The following CHD6 variants were observed in gnomAD, a reference collection of about 807,000 sequenced individuals.
CHD6 encodes chromodomain helicase DNA binding protein 6, also known as ATP-dependent chromatin remodeler CHD6.
Under a neutral mutation model 276.9 loss-of-function variants are expected in CHD6, and 50 were observed. That is an observed-to-expected ratio of 0.18 (90% confidence interval 0.14 to 0.23). The LOEUF (loss-of-function observed/expected upper bound fraction) is 0.23. Among genes scored for constraint, CHD6 ranks in the 10% least tolerant of loss-of-function variants. The pLI is 1.00. For missense variants in CHD6, 2,564 were observed against 3,365.8 expected (o/e 0.76, Z 5.89); for synonymous variants, 1,173 against 1,229.3 (o/e 0.95, Z 0.96).
chr20:41,487,411 C>T (rs758392347), intron 14 of CHD6, among the ~76,000 whole-genome samples: 3 of 152,046 alleles, frequency 2.0e-5, no homozygotes, highest in Non-Finnish European at 4.4e-5. Flanking sequence ...CAAGGAGGCC[C>T]GATACACCAA....
At chr20:41,571,807 T>G (rs1408569403) in intron 1 of CHD6, among the ~76,000 whole-genome samples, 2 of 152,162 alleles carry the variant, frequency 1.3e-5, no homozygotes, top group African/African-American at 4.8e-5. Context: ...ATTTTAAATT[T>G]TAATGAAATA....
intron 3 of CHD6, among the ~76,000 whole-genome samples, chr20:41,521,950 A>G (rs531494382): frequency 1.3e-5 from 2 of 152,372 alleles, no homozygotes; most frequent in South Asian, 2.1e-4. Flanking sequence ...AGGAATCCAT[A>G]CCAATGAGAC....
chr20:41,526,678 G>A (rs2044545986), intron 3 of CHD6, among the ~76,000 whole-genome samples: 1 of 152,304 alleles, frequency 6.6e-6, no homozygotes, highest in South Asian at 2.1e-4. Context: ...CCAAACAAAT[G>A]GGGATGAAAA....
chr20:41,405,734 T>C (rs1335857476), intron 36 of CHD6, among the ~76,000 whole-genome samples: 1 of 152,098 alleles, frequency 6.6e-6, no homozygotes, highest in Non-Finnish European at 1.5e-5. Flanking sequence ...CACTGCCCAG[T>C]GGTAATTCCA....
intron 17 of CHD6, chr20:41,461,582 C>T (rs968109853): frequency 4.2e-5 from 7 of 166,380 alleles, no homozygotes; most frequent in East Asian, 1.7e-4. Context: ...TTTCGCCTCC[C>T]GCCATGATTC....
intron 17 of CHD6, among the ~76,000 whole-genome samples, chr20:41,468,573 C>T (rs2042982469): frequency 6.6e-6 from 1 of 152,234 alleles, no homozygotes; most frequent in African/African-American, 2.4e-5. Flanking sequence ...TAACACCTGG[C>T]ATGTCCCAGT....
At chr20:41,566,155 A>C (rs2045353309) in intron 1 of CHD6, among the ~76,000 whole-genome samples, 1 of 152,100 alleles carries the variant, frequency 6.6e-6, no homozygotes, top group South Asian at 2.1e-4. Context: ...CACCCCACAT[A>C]ATTTTCTAAA....
Position 41,420,968 on chromosome 20 carries a change from C to T in CHD6, c.5667G>A (p.Glu1889=). 6.2e-7 allele frequency: 1 copy of T among 1,614,218 alleles called. No homozygotes were observed. Among genetic ancestry groups the T allele is most frequent in the South Asian group, 1.1e-5 (1 of 91,084 alleles). The change falls in exon 31 of 37, where the codon GAG becomes GAA. Residue 1889 remains glutamate, a synonymous_variant. Coordinates refer to ENST00000373233, the MANE Select transcript of CHD6 (RefSeq NM_032221.5). ...TAGTGGGCTCCGTGAGATGCAATAC[C>T]TCTGGCCTTTCCCCCATGCCTACTG... ...AMAVGMGERP[E]VLHLTEPTTN... is the part of the protein sequence containing the mutation.
rs1361675899 is a variant in CHD6, at chr20:41,500,839, AAT to A, written c.853-1484_853-1483del. 2.6e-5 allele frequency among the ~76,000 whole-genome samples: 4 copies of A among 152,270 alleles called. No homozygotes were observed. In the East Asian group the frequency reaches 7.7e-4, roughly 29 times the overall value. On this transcript the variant is annotated intron_variant, in intron 5 of 36. Transcript: ENST00000373233. ...CAAGCAAGAGGAAAAGAAAGAAGGAAATACAGTGAGGAAATAAAGGGTCAAAC... is the reference window on the plus strand; with the variant it reads ...CAAGCAAGAGGAAAAGAAAGAAGGAAACAGTGAGGAAATAAAGGGTCAAAC...
intron 2 of CHD6, among the ~76,000 whole-genome samples, chr20:41,548,819 A>G (rs1390109657): frequency 1.3e-5 from 2 of 152,204 alleles, no homozygotes; most frequent in Non-Finnish European, 2.9e-5. Context: ...AACCCCATCA[A>G]AAAGTAGGCA....
At chr20:41,568,843 A>G (rs569433886) in intron 1 of CHD6, among the ~76,000 whole-genome samples, 98 of 152,298 alleles carry the variant, frequency 6.4e-4, no homozygotes, top group Non-Finnish European at 1.2e-3. Context: ...TGGCTTCCAC[A>G]GTCATTTCTG....
intron 2 of CHD6, among the ~76,000 whole-genome samples, chr20:41,545,391 C>A (rs900642355): frequency 1.3e-5 from 2 of 152,132 alleles, no homozygotes; most frequent in Non-Finnish European, 2.9e-5. Flanking sequence ...GCTCAGACTT[C>A]TTTTCCTTTT....
rs939736339 is a variant in CHD6 at position 41,553,924 on chromosome 20, C to T, written c.-23-2564G>A. The stretch of plus-strand genomic sequence containing the variant: ...CAGCACTTTGGGAGGCCAAGGCAGG[C>T]GGATCACTTGAACCCAGGAGTTTGT... On this transcript the variant is annotated intron_variant, in intron 1 of 36. Coordinates refer to ENST00000373233, the MANE Select transcript of CHD6 (RefSeq NM_032221.5). 2.6e-5 allele frequency among the ~76,000 whole-genome samples: 4 copies of T among 152,278 alleles called. No individual in the cohort carries two copies. In the Middle Eastern group the frequency reaches 0.01, roughly 388 times the overall value.
intron 2 of CHD6, among the ~76,000 whole-genome samples, chr20:41,539,805 C>A (rs774953711): frequency 5.3e-5 from 8 of 152,088 alleles, no homozygotes; most frequent in Non-Finnish European, 1.0e-4. Flanking sequence ...AACCTGTTTG[C>A]CAATCTTTAG....
intron 3 of CHD6, among the ~76,000 whole-genome samples, chr20:41,531,646 T>C (rs2146062967): frequency 6.6e-6 from 1 of 152,228 alleles, no homozygotes; most frequent in East Asian, 1.9e-4. Flanking sequence ...ATTCCTGAGA[T>C]CCCACCCAAG....
At chr20:41,609,160 G>A (rs2045859516) in intron 1 of CHD6, among the ~76,000 whole-genome samples, 1 of 152,100 alleles carries the variant, frequency 6.6e-6, no homozygotes. Flanking sequence ...TCAAATACAT[G>A]CCCAGAGAGC....
chr20:41,589,159 A>G (rs893364766), intron 1 of CHD6, among the ~76,000 whole-genome samples: 2 of 152,228 alleles, frequency 1.3e-5, no homozygotes, highest in Non-Finnish European at 2.9e-5. Flanking sequence ...CTTCGACAAA[A>G]TTCAACAGCC....
chr20:41,454,878 T>C (rs2048337526), intron 19 of CHD6, 142 bp from the exon 20 acceptor site: 2 of 493,320 alleles, frequency 4.1e-6, no homozygotes, highest in Non-Finnish European at 7.2e-6. Context: ...CAAAATGAAT[T>C]GAAAATCTCA....
In CHD6 at chr20:41,423,524, T is replaced by C. The variant is rs1171923977; in HGVS notation, c.4523A>G (p.Asn1508Ser). ...YFYSFVAMCR[N>S]VCRLPTWKDG... ...TTTCCATGTGGGTAGACGACAGACA[T>C]TCCGGCACATGGCCACAAAACTATA... The change falls in exon 30 of 37, where the codon AAT becomes AGT. Residue 1508 changes from asparagine (N) to serine (S), a missense_variant. Coordinates refer to ENST00000373233, the MANE Select transcript of CHD6 (RefSeq NM_032221.5). 9 of 1,614,250 alleles carry C rather than the reference T, an allele frequency of 5.6e-6. No homozygotes were observed. Among genetic ancestry groups the C allele is most frequent in the Non-Finnish European group, 7.6e-6 (9 of 1,180,028 alleles).
Sources: gnomAD v4.1 joint callset for allele counts (sites outside exome capture counted in the v4.1 genomes callset) on GRCh38, gnomAD v4.1.1 for gene constraint, MANE v1.5 for transcripts, NCBI Gene and HGNC (gene_info 2026-07-23, HGNC 2026-07-21) for gene names.